The following VPS13A variants were observed in gnomAD, a reference collection of about 807,000 sequenced individuals.
VPS13A encodes the protein vacuolar protein sorting 13 homolog A.
A neutral mutation model predicts 390.9 loss-of-function variants in VPS13A; 264 were observed. That is an observed-to-expected ratio of 0.68 (90% confidence interval 0.61 to 0.75). The LOEUF is 0.75. Among genes scored for constraint, VPS13A ranks in the 30% least tolerant of loss-of-function variants. The pLI, the probability that VPS13A is intolerant of heterozygous loss-of-function variation, is 0.00. For missense variants in VPS13A, 3,409 were observed against 3,733.9 expected, an observed-to-expected ratio of 0.91 and a Z score of 2.27; for synonymous variants, 1,231 against 1,227.1, an observed-to-expected ratio of 1.00 and a Z score of -0.07.
At position 77,416,198 on chromosome 9, in the gene VPS13A, T is replaced by G; in HGVS notation, c.*192T>G. 1.8e-6 allele frequency: 1 copy of G among 562,552 alleles called. No homozygotes were observed. Among genetic ancestry groups the G allele is most frequent in the East Asian group, 3.1e-5 (1 of 32,744 alleles). The allele number at this position is 562,552 out of a possible 1,614,324, so 34.8% of individuals were successfully genotyped here. On this transcript the variant is annotated 3_prime_UTR_variant, in exon 72 of 72. Transcript: ENST00000360280. Reference sequence around the variant, plus strand: ...GAATCAGGTAAAACAGCTATGTGATTAAAATATTTTAATTCTTCAGCAATT... The same window carrying G: ...GAATCAGGTAAAACAGCTATGTGATGAAAATATTTTAATTCTTCAGCAATT...
intron 68 of VPS13A, among the ~76,000 whole-genome samples, chr9:77,386,583 TTTC>T (rs1033933458): frequency 1.3e-5 from 2 of 152,150 alleles, no homozygotes; most frequent in Non-Finnish European, 2.9e-5. Context: ...TTATTTAAAA[TTTC>T]TTCAGTAAAA....
intron 47 of VPS13A, 32 bp from the exon 48 acceptor site, chr9:77,339,484 A>ATTTTTTTTTT (rs200451091): frequency 8.6e-6 from 12 of 1,397,644 alleles, no homozygotes; most frequent in Non-Finnish European, 9.7e-6. Flanking sequence ...AACATTTTAA[A>ATTTTTTTTTT]TTTTGTTTTG....
intron 70 of VPS13A, 147 bp from the exon 71 acceptor site, chr9:77,407,386 T>C: frequency 6.5e-6 from 4 of 615,138 alleles, no homozygotes; most frequent in Non-Finnish European, 1.2e-5. Flanking sequence ...TTGATTCTTC[T>C]TGCTTCCTCA....
chr9:77,222,260 A>G (rs1162701062), intron 13 of VPS13A, among the ~76,000 whole-genome samples: 1 of 152,142 alleles, frequency 6.6e-6, no homozygotes, highest in Non-Finnish European at 1.5e-5. Flanking sequence ...GTCTTGAATC[A>G]TAACCTGAGT....
At chr9:77,280,346 T>A (rs946270215) in intron 27 of VPS13A, 108 bp downstream of exon 27, 24 of 925,984 alleles carry the variant, frequency 2.6e-5, no homozygotes, top group Non-Finnish European at 3.6e-5. Flanking sequence ...TGTAACATAA[T>A]CTCTTTGTAA....
At chr9:77,341,744 A>G (rs1054982416) in intron 50 of VPS13A, among the ~76,000 whole-genome samples, 1 of 67,380 alleles carries the variant, frequency 1.5e-5, no homozygotes, top group African/African-American at 5.9e-5. Context: ...CTGAACTACT[A>G]TTTAAGTCTT....
chr9:77,407,648 C>T lies in VPS13A; in HGVS notation c.9474+41C>T, dbSNP rs753374448. 184 of 1,446,588 alleles carry T rather than the reference C, an allele frequency of 1.3e-4. No homozygotes were observed. The highest frequency in any genetic ancestry group is 1.7e-4 in the Admixed American group (10 of 58,436). 89.6% of individuals were successfully genotyped at this position (1,446,588 alleles called of 1,614,324 possible). On this transcript the variant is annotated intron_variant, in intron 71 of 71. Transcript: ENST00000360280. ...CTTTTATTTAAATAGGAGCTGCTCACTTCAAAATCATGTAAGTGGACTATT... is the reference window on the plus strand; with the variant it reads ...CTTTTATTTAAATAGGAGCTGCTCATTTCAAAATCATGTAAGTGGACTATT...
chr9:77,407,461 C>G, intron 70 of VPS13A, 72 bp from the exon 71 acceptor site: 1 of 1,282,820 alleles, frequency 7.8e-7, no homozygotes, highest in Non-Finnish European at 1.1e-6. Flanking sequence ...AGTAATAAAG[C>G]TTTGTGGCAT....
intron 45 of VPS13A, among the ~76,000 whole-genome samples, chr9:77,329,750 T>C (rs2131473356): frequency 6.6e-6 from 1 of 152,286 alleles, no homozygotes; most frequent in Non-Finnish European, 1.5e-5. Context: ...TATCTGCAAT[T>C]CACAATAAAG....
intron 47 of VPS13A, 72 bp downstream of exon 47, chr9:77,337,609 TA>T: frequency 6.8e-7 from 1 of 1,462,850 alleles, no homozygotes. Flanking sequence ...TTAAGATCAA[TA>T]AAAACTATTT....
intron 33 of VPS13A, among the ~76,000 whole-genome samples, chr9:77,302,441 C>T (rs773460622): frequency 7.4e-5 from 10 of 135,464 alleles, no homozygotes; most frequent in Non-Finnish European, 1.5e-4. Context: ...GGTGCGATCT[C>T]GGCTCACTGC....
intron 44 of VPS13A, among the ~76,000 whole-genome samples, chr9:77,322,356 T>G (rs1412562686): frequency 6.6e-6 from 1 of 151,960 alleles, no homozygotes; most frequent in East Asian, 1.9e-4. Context: ...GAGCCTCACC[T>G]ACACCACTTT....
chr9:77,319,730 T>A lies in VPS13A; in HGVS notation c.5415+57T>A, dbSNP rs1829629737. On this transcript the variant is annotated intron_variant, in intron 42 of 71. Transcript: ENST00000360280. ...TATATATATGTATTTTAAAAGACTT[T>A]ATTTTTTTAAGAACAGATTTAGGTT... The A allele has an allele frequency of 1.3e-5, 13 of 1,006,278 alleles. No individual in the cohort carries two copies. The South Asian group carries it at 2.0e-4, about 15-fold the overall frequency. 62.3% of individuals were successfully genotyped at this position (1,006,278 alleles called of 1,614,324 possible).
intron 10 of VPS13A, 123 bp downstream of exon 10, chr9:77,214,509 A>T (rs891523224): frequency 8.8e-6 from 6 of 682,994 alleles, no homozygotes; most frequent in Middle Eastern, 3.9e-4. Context: ...AAATGTATTT[A>T]TAATGTATAT....
chr9:77,406,416 A>G (rs1334474564), intron 70 of VPS13A, among the ~76,000 whole-genome samples: 2 of 151,714 alleles, frequency 1.3e-5, no homozygotes, highest in Non-Finnish European at 2.9e-5. Flanking sequence ...ACAATTCTGC[A>G]ATCATTCTTT....
chr9:77,317,585 G>A (rs369569003), intron 39 of VPS13A, 21 bp from the exon 40 acceptor site: 3 of 1,533,234 alleles, frequency 2.0e-6, no homozygotes, highest in Non-Finnish European at 2.7e-6. Flanking sequence ...TAATTTAGTG[G>A]TATTGATTTT....
chr9:77,410,566 A>T (rs1372876836), intron 71 of VPS13A, among the ~76,000 whole-genome samples: 2 of 152,218 alleles, frequency 1.3e-5, no homozygotes, highest in African/African-American at 4.8e-5. Flanking sequence ...ATGCAGAGAC[A>T]CACATAGGCT....
rs140299057 is a variant in VPS13A, at chr9:77,245,463, G to C, written c.1901-1796G>C. Among the ~76,000 whole-genome samples the C allele has an allele frequency of 4.2e-3, 643 of 152,308 alleles. 7 individuals carry two copies. Among genetic ancestry groups the C allele is most frequent in the African/African-American group, 0.015 (605 of 41,562 alleles). On this transcript the variant is annotated intron_variant, in intron 19 of 71. Coordinates refer to ENST00000360280, the MANE Select transcript of VPS13A (RefSeq NM_033305.3). ...TGAATCCAAATCATTTGGGGAAAAA[G>C]AATGAATAACTGTTTGAGTCAATTC...
rs1835313515 is a variant in VPS13A, at chr9:77,420,661, C to T, written c.*4655C>T. ...CACTGCTATGATAGAAAATCCCTGT[C>T]TGTCATTGAACTATTCATTTAGTGT... On this transcript the variant is annotated 3_prime_UTR_variant, in exon 72 of 72. Coordinates refer to ENST00000360280, the MANE Select transcript of VPS13A (RefSeq NM_033305.3). 4 of 150,996 alleles carry T rather than the reference C, an allele frequency of 2.6e-5. No individual in the cohort carries two copies. Among genetic ancestry groups the T allele is most frequent in the African/African-American group, 7.4e-5 (3 of 40,376 alleles). 9.4% of individuals were successfully genotyped at this position (150,996 alleles called of 1,614,324 possible).
Sources: gnomAD v4.1 joint callset for allele counts (sites outside exome capture counted in the v4.1 genomes callset) on GRCh38, gnomAD v4.1.1 for gene constraint, MANE v1.5 for transcripts, NCBI Gene and HGNC (gene_info 2026-07-23, HGNC 2026-07-21) for gene names.